PRPF31: variants seen among roughly 807,000 people sequenced by gnomAD.
The protein encoded by PRPF31 is pre-mRNA processing factor 31.
In PRPF31, 12 loss-of-function variants were observed where a neutral mutation model predicts 60.4. The ratio of observed to expected loss-of-function variants is 0.20; its 90% confidence interval spans 0.13 to 0.32. The LOEUF (loss-of-function observed/expected upper bound fraction) is 0.32, where lower values mean the gene tolerates loss of function less well. PRPF31 is among the 10% of genes least tolerant of loss of function. The probability of loss-of-function intolerance (pLI) is 1.00; values close to 1 mark genes in which losing one functional copy is unlikely to be tolerated. For synonymous variants in PRPF31, 287 were observed against 287.9 expected (o/e 1.00, Z 0.03); for missense variants, 431 against 687.1 (o/e 0.63, Z 4.17).
chr19:54,121,341 G>C (rs1394426996), intron 3 of PRPF31, among the ~76,000 whole-genome samples: 1 of 151,774 alleles, frequency 6.6e-6, no homozygotes, highest in Non-Finnish European at 1.5e-5. Flanking sequence ...GTGGGTGTCT[G>C]GGGCACTGTG....
chr19:54,130,173 C>T (rs2074018008), intron 13 of PRPF31, among the ~76,000 whole-genome samples: 1 of 125,090 alleles, frequency 8.0e-6, no homozygotes, highest in Admixed American at 7.7e-5. Flanking sequence ...GGCAGAAATG[C>T]CAGGCCGGGC....
At chr19:54,126,754 C>G (rs2073932181) in intron 9 of PRPF31, 137 bp downstream of exon 9, 1 of 901,476 alleles carries the variant, frequency 1.1e-6, no homozygotes, top group Non-Finnish European at 1.8e-6. Flanking sequence ...TCTGCCCACC[C>G]TCCCTGGGGT....
chr19:54,131,307 G>A lies in PRPF31; in HGVS notation c.1375G>A (p.Gly459Ser), dbSNP rs745344610. Residue 459 changes from glycine to serine, a missense_variant and splice_region_variant, in exon 14 of 14, where the codon GGC becomes AGC. By Grantham distance (56) the Gly-to-Ser change is moderately conservative. Transcript: ENST00000321030. ...CATCCTCTCTCCCTCACCTGCCCAG[G>A]GCCTGGAGATTGTGAACCCACAGGC... ...ASSVAFTPLQ[G>S]LEIVNPQAAE... The A allele has an allele frequency of 6.2e-7, 1 of 1,613,848 alleles. No homozygotes were observed. Among genetic ancestry groups the A allele is most frequent in the South Asian group, 1.1e-5 (1 of 91,080 alleles).
chr19:54,115,849 G>A (rs2073617049), intron 1 of PRPF31, 52 bp downstream of exon 1: 2 of 204,544 alleles, frequency 9.8e-6, no homozygotes, highest in Non-Finnish European at 2.0e-5. Context: ...CTGGGTCTGG[G>A]AGAAGAAGTG....
chr19:54,128,150 G>C lies in PRPF31; in HGVS notation c.1023G>C (p.Lys341Asn). 1 of 1,560,462 alleles carries C rather than the reference G, an allele frequency of 6.4e-7. No individual in the cohort carries two copies. Among genetic ancestry groups the C allele is most frequent in the Non-Finnish European group, 8.7e-7 (1 of 1,153,032 alleles). Residue 341 changes from lysine to asparagine, a missense_variant, in exon 10 of 14, where the codon AAG (lysine) becomes AAC (asparagine). Around this residue, in one of 4 missense-constraint regions of PRPF31, gnomAD observed 314 missense variants for 475.3 expected, o/e 0.66. Transcript: ENST00000321030. ...WQEPPPVKQVKPLPAPLDGQR... is the reference protein window; with the variant it reads ...WQEPPPVKQVNPLPAPLDGQR... ...AGCCGCCGCCTGTGAAGCAGGTGAA[G>C]CCGCTGCCTGCGCCCCTGGATGGAC...
intron 13 of PRPF31, among the ~76,000 whole-genome samples, chr19:54,130,831 C>T (rs2074033332): frequency 1.3e-5 from 2 of 152,122 alleles, no homozygotes; most frequent in Admixed American, 1.3e-4. Context: ...TGGCACTGGG[C>T]TCACCATTAG....
intron 7 of PRPF31, 103 bp downstream of exon 7, chr19:54,124,021 C>T: frequency 1.3e-6 from 2 of 1,559,212 alleles, no homozygotes; most frequent in Admixed American, 1.8e-5. Context: ...GCACCTGGAC[C>T]TCAGCACCCC....
At chr19:54,119,108 C>T (rs10418693) in intron 3 of PRPF31, among the ~76,000 whole-genome samples, 62,578 of 151,950 alleles carry the variant, frequency 0.41, 13,500 homozygotes, top group Non-Finnish European at 0.49. Flanking sequence ...TAAGGCCGGG[C>T]GCCGTGGCTC....
At chr19:54,115,887 C>G (rs1178164885) in intron 1 of PRPF31, 90 bp downstream of exon 1, 5 of 186,948 alleles carry the variant, frequency 2.7e-5, no homozygotes, top group Non-Finnish European at 4.5e-5. Flanking sequence ...GTCTTTACAG[C>G]TTGGTTTTTG....
At position 54,125,591 on chromosome 19, in the gene PRPF31, C is replaced by T. The variant is rs73936712; in HGVS notation, c.855+935C>T. Among the ~76,000 whole-genome samples the T allele has an allele frequency of 4.4e-3, 676 of 152,204 alleles. 4 individuals are homozygous for T. The highest frequency in any genetic ancestry group is 0.014 in the African/African-American group (589 of 41,536). On this transcript the variant is annotated intron_variant, in intron 8 of 13. Transcript: ENST00000321030. The stretch of plus-strand genomic sequence containing the variant: ...ACTGTGGCGAGTTACCTCAGGCTCA[C>T]GGCCCTGTGCCCTGCCTGGCCTCCC...
intron 9 of PRPF31, among the ~76,000 whole-genome samples, chr19:54,127,837 C>T (rs975030658): frequency 6.6e-6 from 1 of 152,188 alleles, no homozygotes; most frequent in African/African-American, 2.4e-5. Flanking sequence ...ACCCCTGCCC[C>T]GTGGCGTGGA....
At chr19:54,127,823 C>T (rs2073955687) in intron 9 of PRPF31, among the ~76,000 whole-genome samples, 1 of 152,202 alleles carries the variant, frequency 6.6e-6, no homozygotes, top group Admixed American at 6.5e-5. Flanking sequence ...GTAGCACAGA[C>T]AGGACCCCTG....
At position 54,129,193 on chromosome 19, in the gene PRPF31, C is replaced by T. The variant is rs767174101; in HGVS notation, c.1275+8C>T. ...ATCTCCAAGACGCTGCAGGTATGGG[C>T]CAGACCCAGGTGGGGCTGGGGACCG... On this transcript the variant is annotated splice_region_variant and intron_variant, in intron 12 of 13. Coordinates refer to ENST00000321030, the MANE Select transcript of PRPF31 (RefSeq NM_015629.4). The T allele has an allele frequency of 3.1e-6, 5 of 1,591,344 alleles. No homozygotes were observed. Among genetic ancestry groups the T allele is most frequent in the Admixed American group, 3.5e-5 (2 of 56,454 alleles).
chr19:54,122,058 T>G lies in PRPF31; in HGVS notation c.322+115T>G, dbSNP rs73062632. 0.072 allele frequency: 80,315 copies of G among 1,111,586 alleles called. 4,272 individuals are homozygous for G. Among genetic ancestry groups the G allele is most frequent in the African/African-American group, 0.26 (16,651 of 64,766 alleles). 68.9% of individuals were successfully genotyped at this position (1,111,586 alleles called of 1,614,324 possible). On this transcript the variant is annotated intron_variant, in intron 4 of 13. Transcript: ENST00000321030. ...CCCTAAGCCCAAGCTCAGATCGAGGTTGACCTGCTGTCACAGAGTGGCTGA... is the reference window on the plus strand; with the variant it reads ...CCCTAAGCCCAAGCTCAGATCGAGGGTGACCTGCTGTCACAGAGTGGCTGA...
chr19:54,123,420 C>T (rs772540766), intron 5 of PRPF31, 34 bp from the exon 6 acceptor site: 1 of 1,554,472 alleles, frequency 6.4e-7, no homozygotes, highest in Admixed American at 1.7e-5. Flanking sequence ...TCCTGAGTTC[C>T]CGAGCCTCCC....
chr19:54,122,451 T>G (rs776564831), intron 4 of PRPF31, 46 bp from the exon 5 acceptor site: 8 of 1,429,242 alleles, frequency 5.6e-6, no homozygotes, highest in African/African-American at 1.4e-5. Flanking sequence ...ACCAGCAGAG[T>G]CTACCTTCCA....
In PRPF31 at chr19:54,117,540, A is replaced by C. The variant is rs587622342; in HGVS notation, c.-8-731A>C. Among the ~76,000 whole-genome samples the C allele has an allele frequency of 3.3e-5, 5 of 152,256 alleles. No homozygotes were observed. The East Asian group carries it at 9.6e-4, about 29-fold the overall frequency. On this transcript the variant is annotated intron_variant, in intron 1 of 13. Transcript: ENST00000321030. ...GTTTTGCAGCTGGGTTTCCATACCT[A>C]GTTTGTTTCAAGATTAGCCCCTGCG...
intron 10 of PRPF31, 28 bp from the exon 11 acceptor site, chr19:54,128,277 C>G: frequency 6.4e-7 from 1 of 1,551,534 alleles, no homozygotes; most frequent in South Asian, 1.2e-5. Context: ...AGCCGACTCC[C>G]TGGCGCCGCC....
In PRPF31 at chr19:54,118,332, G is replaced by A; in HGVS notation, c.54G>A (p.Glu18=). ...LADLEEAAEE[E]EGGSYGEEEE... Reference sequence around the variant, plus strand: ...ATCTCGAAGAGGCAGCAGAAGAGGAGGAAGGAGGAAGCTATGGGGAGGAAG... The same window carrying A: ...ATCTCGAAGAGGCAGCAGAAGAGGAAGAAGGAGGAAGCTATGGGGAGGAAG... Residue 18 remains glutamate (E), a synonymous_variant, in exon 2 of 14, where the codon GAG becomes GAA. Transcript: ENST00000321030. 6.2e-7 allele frequency: 1 copy of A among 1,613,966 alleles called. No individual in the cohort carries two copies. The highest frequency in any genetic ancestry group is 8.5e-7 in the Non-Finnish European group (1 of 1,180,024).
Sources: gnomAD v4.1 joint callset for allele counts (sites outside exome capture counted in the v4.1 genomes callset) on GRCh38, gnomAD v4.1.1 for gene constraint, gnomAD v4.1.1 regional missense constraint, MANE v1.5 for transcripts, NCBI Gene and HGNC (gene_info 2026-07-23, HGNC 2026-07-21) for gene names.